Variants in TECPR2 observed in about 807,000 individuals in gnomAD.
TECPR2 encodes tectonin beta-propeller repeat containing 2, also known as tectonin beta-propeller repeat-containing protein 2.
TECPR2 carries 65 observed loss-of-function variants against 138.1 expected under a neutral mutation model. The ratio of observed to expected loss-of-function variants is 0.47; its 90% CI spans 0.39 to 0.58. The LOEUF (loss-of-function observed/expected upper bound fraction) is 0.58, where lower values mean the gene tolerates loss of function less well. TECPR2 is among the 20% of genes least tolerant of loss of function. The probability of loss-of-function intolerance (pLI) is 0.00; values close to 1 mark genes in which losing one functional copy is unlikely to be tolerated. For synonymous variants in TECPR2, 746 were observed against 749.8 expected, an observed-to-expected ratio of 0.99 and a Z score of 0.08; for missense variants, 1,553 against 1,824.5, an observed-to-expected ratio of 0.85 and a Z score of 2.71.
Position 102,463,639 on chromosome 14 carries a change from T to C in TECPR2, c.3641-1502T>C, listed in dbSNP as rs937818699. On this transcript the variant is annotated intron_variant, in intron 16 of 19. Coordinates refer to ENST00000359520, the MANE Select transcript of TECPR2 (RefSeq NM_014844.5). ...GGGTGACTAAGTTGTTTAAAACCAA[T>C]TGGGACAGGCGTAGTGGCTCACACC... Among the ~76,000 whole-genome samples, 44 of 151,580 alleles carry C rather than the reference T, an allele frequency of 2.9e-4. 1 individual carries two copies. The Middle Eastern group carries it at 0.014, about 48-fold the overall frequency.
chr14:102,449,207 T>C (rs1488907536), intron 13 of TECPR2, among the ~76,000 whole-genome samples: 2 of 152,218 alleles, frequency 1.3e-5, no homozygotes, highest in Non-Finnish European at 2.9e-5. Context: ...ATTGTGCCAC[T>C]GCATTCCAGC....
chr14:102,482,690 A>G (rs1374061648), intron 17 of TECPR2, among the ~76,000 whole-genome samples: 1 of 152,088 alleles, frequency 6.6e-6, no homozygotes, highest in African/African-American at 2.4e-5. Flanking sequence ...GAGGTATTGC[A>G]TGTCTGAAAA....
At chr14:102,497,423 G>A in intron 18 of TECPR2, 147 bp from the exon 19 acceptor site, 1 of 1,193,008 alleles carries the variant, frequency 8.4e-7, no homozygotes, top group Non-Finnish European at 1.1e-6. Context: ...CTTTCCCTCG[G>A]CTCCTGCCCC....
chr14:102,488,322 T>C (rs1371762113), intron 17 of TECPR2, among the ~76,000 whole-genome samples: 2 of 151,268 alleles, frequency 1.3e-5, no homozygotes, highest in African/African-American at 4.9e-5. Context: ...CTCGGCCTTT[T>C]TTTTTTTTTT....
chr14:102,497,749 C>A (rs1294145107), intron 19 of TECPR2, 30 bp downstream of exon 19: 1 of 1,567,690 alleles, frequency 6.4e-7, no homozygotes, highest in Non-Finnish European at 8.7e-7. Flanking sequence ...GGGCTTAAGG[C>A]CCCTTGGGGT....
intron 1 of TECPR2, among the ~76,000 whole-genome samples, chr14:102,363,499 C>G (rs190054672): frequency 1.1e-3 from 172 of 152,320 alleles, no homozygotes; most frequent in African/African-American, 3.8e-3. Context: ...TTCTGTCCCC[C>G]ACTCGCAGCC....
At chr14:102,472,968 G>A (rs1406944416) in intron 17 of TECPR2, among the ~76,000 whole-genome samples, 3 of 152,262 alleles carry the variant, frequency 2.0e-5, no homozygotes, top group Non-Finnish European at 4.4e-5. Flanking sequence ...CCAGGCGCTC[G>A]CCTTGTGCCA....
chr14:102,443,369 G>A lies in TECPR2; in HGVS notation c.2753-278G>A, dbSNP rs182312502. ...TGATTAAACTTGACAACAAAAAAGCGGCCGGACAGGGCAGCTCCTGCCTGT... is the reference window on the plus strand; with the variant it reads ...TGATTAAACTTGACAACAAAAAAGCAGCCGGACAGGGCAGCTCCTGCCTGT... On this transcript the variant is annotated intron_variant, in intron 11 of 19. Coordinates refer to ENST00000359520, the MANE Select transcript of TECPR2 (RefSeq NM_014844.5). The surrounding 1 kb of genome is among the most constrained non-coding windows in gnomAD (Gnocchi z 4.9). Among the ~76,000 whole-genome samples the A allele has an allele frequency of 4.4e-4, 67 of 152,252 alleles. No homozygotes were observed. Among genetic ancestry groups the A allele is most frequent in the Admixed American group, 9.2e-4 (14 of 15,284 alleles).
At chr14:102,486,326 C>T (rs2139791973) in intron 17 of TECPR2, among the ~76,000 whole-genome samples, 1 of 152,272 alleles carries the variant, frequency 6.6e-6, no homozygotes, top group Admixed American at 6.5e-5. Context: ...TTGAGTTAGG[C>T]TCTTGTTCCG....
intron 2 of TECPR2, among the ~76,000 whole-genome samples, chr14:102,380,862 T>C (rs2139662138): frequency 6.6e-6 from 1 of 152,104 alleles, no homozygotes; most frequent in Admixed American, 6.5e-5. Flanking sequence ...GTATTTTTAG[T>C]AGAGACGGGG....
At chr14:102,408,777 T>A (rs1162594644) in intron 4 of TECPR2, among the ~76,000 whole-genome samples, 158 bp downstream of exon 4, 1 of 152,278 alleles carries the variant, frequency 6.6e-6, no homozygotes, top group African/African-American at 2.4e-5. Context: ...ACTTATGTTT[T>A]ATAAGCTTCC....
chr14:102,480,982 G>A (rs543659563), intron 17 of TECPR2, among the ~76,000 whole-genome samples: 3 of 149,472 alleles, frequency 2.0e-5, no homozygotes, highest in Admixed American at 1.3e-4. Flanking sequence ...GTAGCTGGGA[G>A]TACAGGCACC....
At chr14:102,382,068 T>C (rs1597771840) in intron 2 of TECPR2, among the ~76,000 whole-genome samples, 1 of 151,890 alleles carries the variant, frequency 6.6e-6, no homozygotes, top group Non-Finnish European at 1.5e-5. Context: ...CCGAGGCGGG[T>C]GGATCACGAG....
In TECPR2 at chr14:102,435,123, C is replaced by T. The variant is rs546081583; in HGVS notation, c.2306C>T (p.Thr769Met). ...AHGLPSSSSE[T>M]SVTELGPSCS... ...GGGCTTCCTTCTTCATCCTCAGAGA[C>T]GAGTGTGACAGAGCTCGGACCTAGT... The change falls in exon 9 of 20, where the codon ACG becomes ATG. Residue 769 changes from threonine to methionine, a missense_variant. Coordinates refer to ENST00000359520, the MANE Select transcript of TECPR2 (RefSeq NM_014844.5). 1.4e-5 allele frequency: 23 copies of T among 1,613,576 alleles called. No homozygotes were observed. In the East Asian group the frequency reaches 3.3e-4, roughly 23 times the overall value.
intron 1 of TECPR2, among the ~76,000 whole-genome samples, chr14:102,369,904 G>A (rs1173644082): frequency 1.3e-5 from 2 of 151,896 alleles, no homozygotes; most frequent in South Asian, 2.1e-4. Context: ...GCAGTGAGCC[G>A]AGATCGCATC....
intron 2 of TECPR2, among the ~76,000 whole-genome samples, chr14:102,388,473 C>A (rs1888077608): frequency 6.6e-6 from 1 of 152,042 alleles, no homozygotes; most frequent in Non-Finnish European, 1.5e-5. Flanking sequence ...GTGGGCGGAT[C>A]ACTTAAGGTC....
chr14:102,477,933 T>TG (rs1595144872), intron 17 of TECPR2, among the ~76,000 whole-genome samples: 1 of 34,290 alleles, frequency 2.9e-5, no homozygotes, highest in East Asian at 1.1e-3. Flanking sequence ...AGACTCCGTC[T>TG]CAAAAAAAAA....
chr14:102,460,206 G>A (rs546540505), intron 16 of TECPR2, among the ~76,000 whole-genome samples: 13 of 152,006 alleles, frequency 8.6e-5, no homozygotes, highest in Non-Finnish European at 1.8e-4. Context: ...AGAGGCAGAG[G>A]CTCCAGTGAG....
chr14:102,385,189 T>G (rs1263567351), intron 2 of TECPR2, among the ~76,000 whole-genome samples: 1 of 151,964 alleles, frequency 6.6e-6, no homozygotes, highest in Non-Finnish European at 1.5e-5. Flanking sequence ...CTTCACAAAT[T>G]TGTGTGCCAT....
Sources: gnomAD v4.1 joint callset for allele counts (sites outside exome capture counted in the v4.1 genomes callset) on GRCh38, gnomAD v4.1.1 for gene constraint, Gnocchi (gnomAD v3.1) non-coding constraint, MANE v1.5 for transcripts, NCBI Gene and HGNC (gene_info 2026-07-23, HGNC 2026-07-21) for gene names.